SLC10A7: variants seen among roughly 807,000 people sequenced by gnomAD.
SLC10A7 encodes the protein sodium/bile acid cotransporter 7.
SLC10A7 carries 29 observed loss-of-function variants against 43.2 expected under a neutral mutation model. The observed-to-expected ratio is 0.67, with a 90% CI of 0.50 to 0.92. The LOEUF (loss-of-function observed/expected upper bound fraction) is 0.92. SLC10A7 is among the 40% of genes least tolerant of loss of function. The pLI is 0.00. For synonymous variants in SLC10A7, 152 were observed against 144.8 expected, an observed-to-expected ratio of 1.05 and a Z score of -0.35; for missense variants, 295 against 403.2, an observed-to-expected ratio of 0.73 and a Z score of 2.30.
At chr4:146,319,395 A>T (rs1473281812) in intron 6 of SLC10A7, among the ~76,000 whole-genome samples, 1 of 152,016 alleles carries the variant, frequency 6.6e-6, no homozygotes, top group African/African-American at 2.4e-5. Flanking sequence ...AGTGAATCTG[A>T]ACTTAACCAT....
At chr4:146,469,030 G>A (rs2149958230) in intron 4 of SLC10A7, among the ~76,000 whole-genome samples, 1 of 152,156 alleles carries the variant, frequency 6.6e-6, no homozygotes, top group African/African-American at 2.4e-5. Context: ...AATCATTCAG[G>A]GTTCTCCTGA....
At chr4:146,479,270 C>T (rs72729902) in intron 4 of SLC10A7, among the ~76,000 whole-genome samples, 18,407 of 152,072 alleles carry the variant, frequency 0.12, 1,237 homozygotes, top group Non-Finnish European at 0.15. Flanking sequence ...CAATTATCTT[C>T]GTAATAATCA....
chr4:146,472,855 A>G (rs1733695138), intron 4 of SLC10A7, among the ~76,000 whole-genome samples: 1 of 152,194 alleles, frequency 6.6e-6, no homozygotes, highest in Non-Finnish European at 1.5e-5. Flanking sequence ...GGATTGACTT[A>G]TTGCCTTTTA....
intron 6 of SLC10A7, among the ~76,000 whole-genome samples, chr4:146,325,086 A>G (rs1475055400): frequency 6.6e-6 from 1 of 152,212 alleles, no homozygotes; most frequent in South Asian, 2.1e-4. Flanking sequence ...TAATTATACT[A>G]CAATTAAATA....
chr4:146,355,806 G>A (rs573991042), intron 5 of SLC10A7, among the ~76,000 whole-genome samples: 3,789 of 137,314 alleles, frequency 0.028, 179 homozygotes, highest in African/African-American at 0.1. Context: ...ACCAAACACC[G>A]CATATTCTCA....
At chr4:146,430,760 T>G (rs1579167898) in intron 5 of SLC10A7, among the ~76,000 whole-genome samples, 1 of 152,204 alleles carries the variant, frequency 6.6e-6, no homozygotes, top group Non-Finnish European at 1.5e-5. Context: ...AATGTTACTC[T>G]AGATAACACT....
intron 5 of SLC10A7, among the ~76,000 whole-genome samples, chr4:146,416,168 A>C (rs1728549285): frequency 6.6e-6 from 1 of 152,134 alleles, no homozygotes; most frequent in South Asian, 2.1e-4. Context: ...AAGCAAAAAC[A>C]ATCTAACTCA....
chr4:146,381,082 T>A (rs373923089), intron 5 of SLC10A7, among the ~76,000 whole-genome samples: 2 of 152,050 alleles, frequency 1.3e-5, no homozygotes, highest in Non-Finnish European at 2.9e-5. Flanking sequence ...CCCATACAAT[T>A]TGGGGGGCTC....
intron 5 of SLC10A7, among the ~76,000 whole-genome samples, chr4:146,353,505 G>C (rs1227378752): frequency 2.0e-5 from 2 of 100,544 alleles, no homozygotes; most frequent in African/African-American, 8.2e-5. Flanking sequence ...CCAATCAATA[G>C]AAAAAGAGGG....
rs754697850 is a variant in SLC10A7, at chr4:146,292,953, A to C, written c.749T>G (p.Leu250Arg). Residue 250 changes from leucine to arginine, a missense_variant, in exon 9 of 12, where the codon CTT (leucine) becomes CGT (arginine). Coordinates refer to ENST00000335472, the MANE Select transcript of SLC10A7 (RefSeq NM_001029998.6). Reference sequence around the variant, plus strand: ...CCTTGTTGAAAAGATGAAAGTTAAAAGCATAAAACTCAGCTGGATAGAAAA... The same window carrying C: ...CCTTGTTGAAAAGATGAAAGTTAAACGCATAAAACTCAGCTGGATAGAAAA... ...IIFSIQLSFMLLTFIFSTRNN... is the reference protein window; with the variant it reads ...IIFSIQLSFMRLTFIFSTRNN... The C allele has an allele frequency of 1.3e-4, 203 of 1,591,878 alleles. No individual in the cohort carries two copies. Among genetic ancestry groups the C allele is most frequent in the Middle Eastern group, 1.7e-4 (1 of 6,046 alleles).
chr4:146,511,225 A>T (rs910381537), intron 2 of SLC10A7, among the ~76,000 whole-genome samples: 1 of 152,270 alleles, frequency 6.6e-6, no homozygotes, highest in African/African-American at 2.4e-5. Flanking sequence ...CTAAAAAAGG[A>T]TAATTAGTTA....
chr4:146,388,273 C>T (rs1399189266), intron 5 of SLC10A7, among the ~76,000 whole-genome samples: 1 of 152,054 alleles, frequency 6.6e-6, no homozygotes, highest in Non-Finnish European at 1.5e-5. Context: ...AGGCCACATA[C>T]CTACAACCAA....
At chr4:146,428,249 CCTTT>C (rs1729514914) in intron 5 of SLC10A7, among the ~76,000 whole-genome samples, 1 of 152,182 alleles carries the variant, frequency 6.6e-6, no homozygotes, top group East Asian at 1.9e-4. Flanking sequence ...AACTATCCTT[CCTTT>C]ACTTTCTTAA....
chr4:146,465,265 A>C (rs2149947919), intron 4 of SLC10A7, among the ~76,000 whole-genome samples: 1 of 152,278 alleles, frequency 6.6e-6, no homozygotes, highest in East Asian at 1.9e-4. Flanking sequence ...AAAAACAAGA[A>C]AATTACTTAA....
intron 5 of SLC10A7, among the ~76,000 whole-genome samples, chr4:146,385,328 G>A (rs1044837986): frequency 6.6e-5 from 10 of 152,018 alleles, no homozygotes; most frequent in African/African-American, 1.9e-4. Context: ...AAGTAACTGC[G>A]GTTTTTGCCA....
At chr4:146,400,723 G>GC (rs1027087243) in intron 5 of SLC10A7, among the ~76,000 whole-genome samples, 18 of 152,046 alleles carry the variant, frequency 1.2e-4, no homozygotes, top group African/African-American at 3.1e-4. Flanking sequence ...AGTAGGCTAA[G>GC]CTCCAGGTCC....
At chr4:146,396,025 C>A (rs897274552) in intron 5 of SLC10A7, among the ~76,000 whole-genome samples, 1 of 152,116 alleles carries the variant, frequency 6.6e-6, no homozygotes, top group East Asian at 1.9e-4. Context: ...CGACAATCTA[C>A]GAGGTTTTTC....
intron 6 of SLC10A7, among the ~76,000 whole-genome samples, chr4:146,308,564 G>A (rs780690371): frequency 1.3e-5 from 2 of 152,082 alleles, no homozygotes; most frequent in Non-Finnish European, 1.5e-5. Flanking sequence ...TTTTAATGAG[G>A]AACCTGTTGT....
At chr4:146,431,555 A>G (rs1321445199) in intron 5 of SLC10A7, among the ~76,000 whole-genome samples, 3 of 152,152 alleles carry the variant, frequency 2.0e-5, no homozygotes, top group Non-Finnish European at 4.4e-5. Context: ...AAAAATGGAC[A>G]AATGTGACAG....
Sources: allele counts gnomAD v4.1 joint callset (sites outside exome capture counted in the v4.1 genomes callset), GRCh38; gene constraint gnomAD v4.1.1; transcripts MANE v1.5; gene names NCBI Gene and HGNC (gene_info 2026-07-23, HGNC 2026-07-21).